The following STAB2 variants were observed in gnomAD, a reference collection of about 807,000 sequenced individuals.
STAB2 encodes the protein stabilin 2.
In STAB2, 288 loss-of-function variants were observed where a neutral mutation model predicts 338.1. That is an observed-to-expected ratio of 0.85 (90% confidence interval 0.77 to 0.94). The LOEUF is 0.94. Ranked by LOEUF, STAB2 falls within the 40% of genes least tolerant of loss-of-function variation. STAB2 has a pLI of 0.00. For missense variants in STAB2, 3,141 were observed against 3,210.1 expected, an observed-to-expected ratio of 0.98 and a Z score of 0.52; for synonymous variants, 1,202 against 1,193.3, an observed-to-expected ratio of 1.01 and a Z score of -0.15.
At chr12:103,668,444 T>G in intron 19 of STAB2, 199 bp from the exon 20 acceptor site, 4 of 570,526 alleles carry the variant, frequency 7.0e-6, no homozygotes, top group African/African-American at 1.9e-5. Context: ...CTGGCCTGTA[T>G]TCCACCAACA....
intron 60 of STAB2, among the ~76,000 whole-genome samples, chr12:103,751,165 A>G (rs1042457635): frequency 6.6e-6 from 1 of 152,184 alleles, no homozygotes; most frequent in Non-Finnish European, 1.5e-5. Flanking sequence ...ATCAGTATGT[A>G]CTGGATCTCT....
rs182229648 is a variant in STAB2, at chr12:103,675,617, G to A, written c.2553-311G>A. Among the ~76,000 whole-genome samples the A allele has an allele frequency of 2.0e-5, 3 of 152,338 alleles. No individual in the cohort carries two copies. In the East Asian group the frequency reaches 5.8e-4, roughly 29 times the overall value. On this transcript the variant is annotated intron_variant, in intron 23 of 68. Coordinates refer to ENST00000388887, the MANE Select transcript of STAB2 (RefSeq NM_017564.10). ...TCTGCTAAACGCTCAGTGTGCATTT[G>A]CTCATTTAACCTTCAGCCTTATATG...
chr12:103,602,820 A>G (rs1466349495), intron 3 of STAB2, among the ~76,000 whole-genome samples: 1 of 152,138 alleles, frequency 6.6e-6, no homozygotes. Context: ...CTTTGTAAAT[A>G]CTTCTTCCCA....
chr12:103,676,141 A>C, intron 24 of STAB2, 120 bp downstream of exon 24: 2 of 600,524 alleles, frequency 3.3e-6, no homozygotes, highest in South Asian at 5.1e-5. Context: ...GGCTCACTGC[A>C]ACATCCGCCT....
At chr12:103,729,134 T>G in intron 48 of STAB2, 139 bp downstream of exon 48, 1 of 765,670 alleles carries the variant, frequency 1.3e-6, no homozygotes, top group Middle Eastern at 3.9e-4. Context: ...CACTTACAAG[T>G]GGGAGCTAAA....
At chr12:103,665,292 T>C (rs1001353987) in intron 18 of STAB2, among the ~76,000 whole-genome samples, 13 of 152,200 alleles carry the variant, frequency 8.5e-5, no homozygotes, top group Middle Eastern at 3.2e-3. Context: ...TATAGCTGCC[T>C]TTGGCCATGT....
At chr12:103,617,798 T>C (rs1957233834) in intron 3 of STAB2, among the ~76,000 whole-genome samples, 2 of 152,130 alleles carry the variant, frequency 1.3e-5, no homozygotes, top group Admixed American at 1.3e-4. Flanking sequence ...CTGATAATGG[T>C]GGATGTTAGT....
At chr12:103,619,330 A>G (rs1318614773) in intron 3 of STAB2, among the ~76,000 whole-genome samples, 4 of 152,136 alleles carry the variant, frequency 2.6e-5, no homozygotes, top group Non-Finnish European at 5.9e-5. Context: ...GCTCATCCAT[A>G]TTGGCAATAA....
At chr12:103,615,054 C>T (rs1957187795) in intron 3 of STAB2, among the ~76,000 whole-genome samples, 1 of 152,154 alleles carries the variant, frequency 6.6e-6, no homozygotes, top group African/African-American at 2.4e-5. Context: ...GCCTGGTATA[C>T]CAAGAGGAAG....
At position 103,737,689 on chromosome 12, in the gene STAB2, T is replaced by C. The variant is rs144460602; in HGVS notation, c.5606T>C (p.Phe1869Ser). ...AGAATTGTGCAGCGGGAGCTCTTGTTTGACCTGGGTGTGGCCTACGGCATT... is the reference window on the plus strand; with the variant it reads ...AGAATTGTGCAGCGGGAGCTCTTGTCTGACCTGGGTGTGGCCTACGGCATT... Reference protein sequence around the residue: ...TCRIVQRELLFDLGVAYGIDC... With the variant: ...TCRIVQRELLSDLGVAYGIDC... The change falls in exon 53 of 69, where the codon TTT becomes TCT. Residue 1869 changes from phenylalanine (F) to serine (S), a missense_variant. Phe to Ser is a radical substitution (Grantham distance 155, BLOSUM62 -2). Transcript: ENST00000388887. 5.4e-5 allele frequency: 87 copies of C among 1,613,496 alleles called. No homozygotes were observed. The highest frequency in any genetic ancestry group is 7.2e-5 in the Non-Finnish European group (85 of 1,179,918).
chr12:103,763,396 C>A, intron 67 of STAB2, 96 bp from the exon 68 acceptor site: 1 of 955,158 alleles, frequency 1.0e-6, no homozygotes, highest in Non-Finnish European at 1.6e-6. Flanking sequence ...GGAAAAGCTC[C>A]CAGAGGCAAA....
intron 35 of STAB2, among the ~76,000 whole-genome samples, chr12:103,703,696 T>C (rs907376872): frequency 3.4e-4 from 52 of 152,026 alleles, no homozygotes; most frequent in African/African-American, 1.2e-3. Flanking sequence ...GTAGAGAAAA[T>C]AAGGAAATGA....
In STAB2 at chr12:103,674,091, G is replaced by C. The variant is rs763107378; in HGVS notation, c.2552+4G>C. The C allele has an allele frequency of 6.2e-7, 1 of 1,605,088 alleles. No homozygotes were observed. Among genetic ancestry groups the C allele is most frequent in the Non-Finnish European group, 8.5e-7 (1 of 1,173,036 alleles). On this transcript the variant is annotated splice_donor_region_variant and intron_variant, in intron 23 of 68. Transcript: ENST00000388887. The stretch of plus-strand genomic sequence containing the variant: ...AATACAGCAATGGGACAGCCAGGTA[G>C]GTCTGTGAGGGAATGGCCCTTAATG...
At chr12:103,669,374 C>G (rs866675013) in intron 20 of STAB2, 167 bp from the exon 21 acceptor site, 18 of 618,304 alleles carry the variant, frequency 2.9e-5, no homozygotes, top group Middle Eastern at 4.2e-4. Context: ...GTTGTGGTGA[C>G]CAGATGACTG....
At chr12:103,606,347 C>G (rs1451740918) in intron 3 of STAB2, among the ~76,000 whole-genome samples, 4 of 152,016 alleles carry the variant, frequency 2.6e-5, no homozygotes, top group African/African-American at 7.2e-5. Context: ...ATATTGTTAC[C>G]AATTTTTCCT....
chr12:103,609,105 T>G (rs898218605), intron 3 of STAB2, among the ~76,000 whole-genome samples: 1 of 152,204 alleles, frequency 6.6e-6, no homozygotes, highest in African/African-American at 2.4e-5. Context: ...TAGTATAGTT[T>G]GAAGTCAGGT....
intron 27 of STAB2, 48 bp from the exon 28 acceptor site, chr12:103,688,120 T>G (rs1297846120): frequency 6.4e-7 from 1 of 1,565,292 alleles, no homozygotes; most frequent in Non-Finnish European, 8.8e-7. Flanking sequence ...GTTCTTTCTC[T>G]GTGTTCTCTC....
Position 103,766,344 on chromosome 12 carries a change from G to A in STAB2, c.*8G>A. 1 of 1,603,458 alleles carries A rather than the reference G, an allele frequency of 6.2e-7. No individual in the cohort carries two copies. Among genetic ancestry groups the A allele is most frequent in the East Asian group, 2.2e-5 (1 of 44,730 alleles). ...CCCTTGAGGACACTGTGAGGGCCTG[G>A]ACGGGAGATGCCAGCCATCACTCAC... On this transcript the variant is annotated 3_prime_UTR_variant, in exon 69 of 69. Coordinates refer to ENST00000388887, the MANE Select transcript of STAB2 (RefSeq NM_017564.10).
chr12:103,599,739 C>T (rs773178641), intron 3 of STAB2, among the ~76,000 whole-genome samples: 3 of 152,202 alleles, frequency 2.0e-5, no homozygotes, highest in Non-Finnish European at 2.9e-5. Context: ...CTAACACACC[C>T]ACCTTCCAAA....
Sources: gnomAD v4.1 joint callset for allele counts (sites outside exome capture counted in the v4.1 genomes callset) on GRCh38, gnomAD v4.1.1 for gene constraint, MANE v1.5 for transcripts, NCBI Gene and HGNC (gene_info 2026-07-23, HGNC 2026-07-21) for gene names.